The following AK8 variants were observed in gnomAD, a reference collection of about 807,000 sequenced individuals.
AK8 encodes ATP-AMP transphosphorylase 8.
A neutral mutation model predicts 54.6 loss-of-function variants in AK8; 44 were observed. That is an observed-to-expected ratio of 0.81 (90% CI 0.63 to 1.04). The LOEUF (loss-of-function observed/expected upper bound fraction) is 1.04. Among genes scored for constraint, AK8 ranks in the 50% least tolerant of loss-of-function variants. AK8 has a pLI of 0.00. For missense variants in AK8, 555 were observed against 613.6 expected (o/e 0.90, Z 1.01); for synonymous variants, 239 against 245.6 (o/e 0.97, Z 0.25).
At position 132,828,096 on chromosome 9, in the gene AK8, A is replaced by C; in HGVS notation, c.485-12T>G. The C allele has an allele frequency of 6.4e-7, 1 of 1,565,230 alleles. No individual in the cohort carries two copies. Among genetic ancestry groups the C allele is most frequent in the South Asian group, 1.2e-5 (1 of 84,966 alleles). On this transcript the variant is annotated splice_polypyrimidine_tract_variant and intron_variant, in intron 6 of 12. Transcript: ENST00000298545. ...AGCACTCAGCACAACTGGGCAGAGAAGAAAAGGAGCAAAACCAGGCATGTC... is the reference window on the plus strand; with the variant it reads ...AGCACTCAGCACAACTGGGCAGAGACGAAAAGGAGCAAAACCAGGCATGTC...
intron 11 of AK8, among the ~76,000 whole-genome samples, chr9:132,761,756 GTTCT>G (rs908406757): frequency 5.3e-5 from 8 of 151,666 alleles, no homozygotes; most frequent in Admixed American, 3.9e-4. Flanking sequence ...ATGTCAATCT[GTTCT>G]TTCTTTCCTT....
At chr9:132,820,313 C>A (rs1841530508) in intron 9 of AK8, among the ~76,000 whole-genome samples, 1 of 151,894 alleles carries the variant, frequency 6.6e-6, no homozygotes. Context: ...CATAAACTAA[C>A]ATGCTTTTTT....
At chr9:132,734,488 C>T (rs1331773127) in intron 11 of AK8, among the ~76,000 whole-genome samples, 1 of 152,174 alleles carries the variant, frequency 6.6e-6, no homozygotes, top group Admixed American at 6.5e-5. Context: ...GTAACCCCAG[C>T]ACTGTGGAAG....
At chr9:132,729,226 T>G (rs2130932962) in intron 11 of AK8, among the ~76,000 whole-genome samples, 1 of 152,330 alleles carries the variant, frequency 6.6e-6, no homozygotes, top group African/African-American at 2.4e-5. Flanking sequence ...CAGGGGTGAT[T>G]TTGTTCCCCA....
At chr9:132,845,573 T>C (rs1373334485) in intron 5 of AK8, among the ~76,000 whole-genome samples, 1 of 152,100 alleles carries the variant, frequency 6.6e-6, no homozygotes, top group East Asian at 1.9e-4. Context: ...GGGGATCACT[T>C]GGAAGTCAGG....
chr9:132,763,950 A>G (rs2131063359), intron 11 of AK8, among the ~76,000 whole-genome samples: 1 of 152,346 alleles, frequency 6.6e-6, no homozygotes, highest in Non-Finnish European at 1.5e-5. Context: ...CATTTCAAGG[A>G]ACTAGAAAAG....
chr9:132,878,613 T>G, upstream of AK8: 2 of 1,069,806 alleles, frequency 1.9e-6, no homozygotes, highest in Non-Finnish European at 1.1e-6. This position sits in a 1 kb window ranked among gnomAD's most constrained non-coding sequence, Gnocchi z 4.7. Flanking sequence ...GTTCTGTCAG[T>G]GCTCCCCGGC....
intron 11 of AK8, among the ~76,000 whole-genome samples, chr9:132,734,515 C>A (rs1355415411): frequency 6.6e-6 from 1 of 152,182 alleles, no homozygotes; most frequent in Admixed American, 6.5e-5. Flanking sequence ...ACAGGAGCAT[C>A]GCTTGAGCTC....
At chr9:132,768,758 T>A (rs184700287) in intron 11 of AK8, among the ~76,000 whole-genome samples, 20 of 152,332 alleles carry the variant, frequency 1.3e-4, no homozygotes, top group Non-Finnish European at 2.5e-4. Context: ...TTAAATACAT[T>A]ATAATACATC....
At chr9:132,843,683 C>T (rs190272006) in intron 5 of AK8, among the ~76,000 whole-genome samples, 209 of 152,162 alleles carry the variant, frequency 1.4e-3, no homozygotes, top group Non-Finnish European at 2.7e-3. Context: ...GGGTCACAAC[C>T]ACATTTATTT....
At chr9:132,817,024 A>G (rs1172759442) in intron 9 of AK8, among the ~76,000 whole-genome samples, 1 of 152,178 alleles carries the variant, frequency 6.6e-6, no homozygotes, top group African/African-American at 2.4e-5. Flanking sequence ...TGGTAGAGAA[A>G]AGCTACTGGG....
At chr9:132,878,629 T>G, upstream of AK8, 1 of 1,042,166 alleles carries the variant, frequency 9.6e-7, no homozygotes, top group Non-Finnish European at 1.2e-6. This position sits in a 1 kb window ranked among gnomAD's most constrained non-coding sequence, Gnocchi z 4.7. Context: ...CCGGCCCGGC[T>G]CCCTGTGCCT....
chr9:132,856,262 C>T (rs1229069640), intron 4 of AK8, among the ~76,000 whole-genome samples: 1 of 152,194 alleles, frequency 6.6e-6, no homozygotes. Context: ...CTTTCTTATG[C>T]AGAGCAGAGA....
At chr9:132,783,091 T>G (rs1409849188) in intron 11 of AK8, among the ~76,000 whole-genome samples, 2 of 152,208 alleles carry the variant, frequency 1.3e-5, no homozygotes, top group African/African-American at 4.8e-5. Flanking sequence ...TTAAGGACTG[T>G]GTTGATATGG....
chr9:132,864,952 G>A (rs1244021760), intron 3 of AK8, among the ~76,000 whole-genome samples: 1 of 152,190 alleles, frequency 6.6e-6, no homozygotes, highest in African/African-American at 2.4e-5. Context: ...CTAAATGCAG[G>A]ATCTGTCATC....
Position 132,790,252 on chromosome 9 carries a change from C to A in AK8, c.1121+2382G>T, listed in dbSNP as rs997736363. Among the ~76,000 whole-genome samples the A allele has an allele frequency of 4.6e-5, 7 of 150,976 alleles. No homozygotes were observed. The highest frequency in any genetic ancestry group is 1.7e-4 in the African/African-American group (7 of 40,866). On this transcript the variant is annotated intron_variant, in intron 11 of 12. Coordinates refer to ENST00000298545, the MANE Select transcript of AK8 (RefSeq NM_152572.3). This position sits in a 1 kb window ranked among gnomAD's most constrained non-coding sequence, Gnocchi z 4.1. ...AGAGATTTTAAATCACGGAGCTATA[C>A]TTCTTTTTTTTTTTTTGAGACGGAG...
At chr9:132,800,051 G>A (rs1024384869) in intron 10 of AK8, among the ~76,000 whole-genome samples, 6 of 152,226 alleles carry the variant, frequency 3.9e-5, no homozygotes, top group African/African-American at 1.2e-4. Flanking sequence ...CCTGGTGCCT[G>A]AAAGAAGCGG....
intron 11 of AK8, among the ~76,000 whole-genome samples, chr9:132,756,469 T>A (rs549831016): frequency 6.6e-6 from 1 of 152,240 alleles, no homozygotes; most frequent in African/African-American, 2.4e-5. Context: ...ATCATTTGCA[T>A]ACCTAAAAAT....
At chr9:132,733,789 G>A (rs909715749) in intron 11 of AK8, among the ~76,000 whole-genome samples, 1 of 152,224 alleles carries the variant, frequency 6.6e-6, no homozygotes, top group East Asian at 1.9e-4. Flanking sequence ...GGAGAAAGGT[G>A]AAAGCAAAGA....
Sources: gnomAD v4.1 joint callset for allele counts (sites outside exome capture counted in the v4.1 genomes callset) on GRCh38, gnomAD v4.1.1 for gene constraint, Gnocchi (gnomAD v3.1) non-coding constraint, MANE v1.5 for transcripts, NCBI Gene and HGNC (gene_info 2026-07-23, HGNC 2026-07-21) for gene names.